The following RAB11FIP5 variants were observed in gnomAD, a reference collection of about 807,000 sequenced individuals.
The protein encoded by RAB11FIP5 is rab11 family-interacting protein 5.
In RAB11FIP5, 48 loss-of-function variants were observed where a neutral mutation model predicts 85.1. The ratio of observed to expected loss-of-function variants is 0.56; its 90% CI spans 0.45 to 0.72. The LOEUF (loss-of-function observed/expected upper bound fraction) is 0.72, where lower values mean the gene tolerates loss of function less well. Ranked by LOEUF, RAB11FIP5 falls within the 30% of genes least tolerant of loss-of-function variation. The pLI, the probability that RAB11FIP5 is intolerant of heterozygous loss-of-function variation, is 0.00. For missense variants in RAB11FIP5, 1,491 were observed against 1,687.0 expected, an observed-to-expected ratio of 0.88 and a Z score of 2.04; for synonymous variants, 729 against 727.3, an observed-to-expected ratio of 1.00 and a Z score of -0.04.
Position 73,075,883 on chromosome 2 carries a change from C to T in RAB11FIP5, c.3771+110G>A, listed in dbSNP as rs976667368. The T allele has an allele frequency of 9.5e-6, 14 of 1,468,296 alleles. No individual in the cohort carries two copies. Among genetic ancestry groups the T allele is most frequent in the Non-Finnish European group, 1.3e-5 (14 of 1,079,280 alleles). The allele number at this position is 1,468,296 out of a possible 1,614,324, so 91.0% of individuals were successfully genotyped here. A position where few individuals can be genotyped will look rare whatever the true frequency, so the allele number is the denominator to read the frequency against. On this transcript the variant is annotated intron_variant, in intron 5 of 5. Transcript: ENST00000486777. This position sits in a 1 kb window ranked among gnomAD's most constrained non-coding sequence, Gnocchi z 4.6. ...AGTCAGAGCCTAACTGGCTTCAGGA[C>T]TCTGATATGGGGGACCTGGCCTGCT... is the stretch of plus-strand genomic sequence containing the variant.
At chr2:73,101,691 C>T (rs545128407) in intron 1 of RAB11FIP5, among the ~76,000 whole-genome samples, 1 of 152,338 alleles carries the variant, frequency 6.6e-6, no homozygotes, top group Admixed American at 6.5e-5. Context: ...TCTCCTCCCT[C>T]AGCCCCTGTG....
intron 4 of RAB11FIP5, 92 bp from the exon 5 acceptor site, chr2:73,076,274 C>G: frequency 8.0e-7 from 1 of 1,257,354 alleles, no homozygotes; most frequent in Non-Finnish European, 1.1e-6. Context: ...TCCAGGTCTG[C>G]TGGACAGAAA....
rs1683986744 is a variant in RAB11FIP5, at chr2:73,081,614, G to C, written c.1618C>G (p.His540Asp). 1 of 1,223,904 alleles carries C rather than the reference G, an allele frequency of 8.2e-7. No homozygotes were observed. The highest frequency in any genetic ancestry group is 1.0e-6 in the Non-Finnish European group (1 of 980,428). The allele number at this position is 1,223,904 out of a possible 1,614,324, so 75.8% of individuals were successfully genotyped here. ...VESDPAALPH[H>D]LPCSPWAPAP... ...GGAGCCCAGGGGGAGCAGGGGAGGT[G>C]GTGAGGAAGAGCAGCTGGGTCAGAT... Residue 540 changes from histidine (H) to aspartate (D), a missense_variant, in exon 4 of 6, where the codon CAC becomes GAC. Physicochemically the swap from His to Asp is moderately conservative, Grantham distance 81 (BLOSUM62 -1). Around this residue, in one of 3 missense-constraint regions of RAB11FIP5, gnomAD observed 1,211 missense variants for 1,338.0 expected, o/e 0.91. Coordinates refer to ENST00000486777, the MANE Select transcript of RAB11FIP5 (RefSeq NM_001371272.1). This position sits in a 1 kb window ranked among gnomAD's most constrained non-coding sequence, Gnocchi z 4.2.
intron 1 of RAB11FIP5, among the ~76,000 whole-genome samples, chr2:73,108,757 C>T (rs532475901): frequency 7.9e-5 from 12 of 152,324 alleles, no homozygotes; most frequent in African/African-American, 2.2e-4. Context: ...CTAAGAAGGA[C>T]GTTGGGCCAG....
chr2:73,103,820 A>G (rs912463130), intron 1 of RAB11FIP5, among the ~76,000 whole-genome samples: 3 of 152,194 alleles, frequency 2.0e-5, no homozygotes, highest in Non-Finnish European at 4.4e-5. Context: ...GAGGAAGGAG[A>G]GAACCCGCAA....
rs1191677690 is a variant in RAB11FIP5 at position 73,112,536 on chromosome 2, GC to G, written c.241del (p.Ala81ProfsTer93). The G allele has an allele frequency of 4.6e-6, 7 of 1,532,640 alleles. No homozygotes were observed. Among genetic ancestry groups the G allele is most frequent in the African/African-American group, 1.4e-5 (1 of 69,984 alleles). The allele number at this position is 1,532,640 out of a possible 1,614,324, so 94.9% of individuals were successfully genotyped here. Reference sequence around the variant, plus strand: ...CTGCGCCCGCAGCAGGCCATCCAGGGCCCCCGGCGGCAGCTCGAAGGAGCAC... The same window carrying G: ...CTGCGCCCGCAGCAGGCCATCCAGGGCCCCGGCGGCAGCTCGAAGGAGCAC... ...EECSFELPPG[A>X]LDGLLRAQEA... On this transcript the variant is annotated frameshift_variant, in exon 1 of 6. Coordinates refer to ENST00000486777, the MANE Select transcript of RAB11FIP5 (RefSeq NM_001371272.1). LOFTEE classifies it high-confidence loss of function.
chr2:73,088,054 G>A lies in RAB11FIP5; in HGVS notation c.1564C>T (p.Pro522Ser). The A allele has an allele frequency of 6.3e-7, 1 of 1,590,484 alleles. No individual in the cohort carries two copies. Among genetic ancestry groups the A allele is most frequent in the Non-Finnish European group, 8.6e-7 (1 of 1,167,206 alleles). Residue 522 changes from proline to serine, a missense_variant, in exon 3 of 6, where the codon CCC becomes TCC. By Grantham distance (74) the Pro-to-Ser change is moderately conservative. Around this residue, in one of 3 missense-constraint regions of RAB11FIP5, gnomAD observed 1,211 missense variants for 1,338.0 expected, o/e 0.91. Transcript: ENST00000486777. Reference protein sequence around the residue: ...LREAKDPTQKPSLDVSPQVES... With the variant: ...LREAKDPTQKSSLDVSPQVES... Reference sequence around the variant, plus strand: ...TTGGTCTTGCCAACGACTTACCTGGGTTTCTGAGTCGGGTCCTTGGCTTCT... The same window carrying A: ...TTGGTCTTGCCAACGACTTACCTGGATTTCTGAGTCGGGTCCTTGGCTTCT...
chr2:73,106,646 C>T (rs1684533592), intron 1 of RAB11FIP5, among the ~76,000 whole-genome samples: 1 of 152,254 alleles, frequency 6.6e-6, no homozygotes, highest in Non-Finnish European at 1.5e-5. Context: ...CCGGGGTGCA[C>T]ACAGGGCTCC....
intron 1 of RAB11FIP5, among the ~76,000 whole-genome samples, chr2:73,098,089 T>C (rs72903431): frequency 0.06 from 9,195 of 152,238 alleles, 764 homozygotes; most frequent in African/African-American, 0.19. Context: ...TGGACTTCGG[T>C]GCCAGGCTGC....
chr2:73,079,518 C>T (rs189581538), intron 4 of RAB11FIP5, 133 bp downstream of exon 4: 1 of 1,124,612 alleles, frequency 8.9e-7, no homozygotes, highest in Non-Finnish European at 1.1e-6. Context: ...ACCGTCTTGC[C>T]TCTGGGGTAA....
intron 1 of RAB11FIP5, among the ~76,000 whole-genome samples, chr2:73,103,772 G>T (rs754951836): frequency 6.6e-6 from 1 of 152,198 alleles, no homozygotes; most frequent in East Asian, 1.9e-4. Context: ...CCATATAAGT[G>T]AGGTGGCCCA....
At position 73,075,446 on chromosome 2, in the gene RAB11FIP5, TGAGA is replaced by T. The variant is rs751093210; in HGVS notation, c.*71_*74del. The T allele has an allele frequency of 7.1e-7, 1 of 1,410,388 alleles. No homozygotes were observed. Among genetic ancestry groups the T allele is most frequent in the African/African-American group, 1.4e-5 (1 of 70,988 alleles). 87.4% of individuals were successfully genotyped at this position (1,410,388 alleles called of 1,614,324 possible). A position where few individuals can be genotyped will look rare whatever the true frequency, so the allele number is the denominator to read the frequency against. ...AAGACAGACGATGCCCCACTGCAGA[TGAGA>T]GAGTTCAGGAGGAGAGAGGGCAGGC... On this transcript the variant is annotated 3_prime_UTR_variant, in exon 6 of 6. Transcript: ENST00000486777. This position sits in a 1 kb window ranked among gnomAD's most constrained non-coding sequence, Gnocchi z 4.6.
rs139176264 is a variant in RAB11FIP5 at position 73,106,490 on chromosome 2, C to T, written c.431+5857G>A. On this transcript the variant is annotated intron_variant, in intron 1 of 5. Transcript: ENST00000486777. ...GTAGGGAGATATCCAGGCTTCCCCC[C>T]CTTTGGAATCTCTCCCCCACCAGTG... is the stretch of plus-strand genomic sequence containing the variant. Among the ~76,000 whole-genome samples, 108 of 152,338 alleles carry T rather than the reference C, an allele frequency of 7.1e-4. 1 individual carries two copies. The highest frequency in any genetic ancestry group is 2.2e-3 in the African/African-American group (91 of 41,576).
chr2:73,109,960 A>C (rs13400920), intron 1 of RAB11FIP5, among the ~76,000 whole-genome samples: 51,475 of 152,118 alleles, frequency 0.34, 10,778 homozygotes, highest in African/African-American at 0.58. Flanking sequence ...CACATCAACC[A>C]TATGAAGGTA....
chr2:73,109,158 G>A (rs1435852882), intron 1 of RAB11FIP5, among the ~76,000 whole-genome samples: 1 of 152,230 alleles, frequency 6.6e-6, no homozygotes, highest in Non-Finnish European at 1.5e-5. Context: ...GTTCTACTGA[G>A]GGTGGGGAGA....
chr2:73,107,432 G>A (rs1012108998), intron 1 of RAB11FIP5, among the ~76,000 whole-genome samples: 8 of 152,310 alleles, frequency 5.3e-5, no homozygotes, highest in Admixed American at 1.3e-4. Flanking sequence ...CAAGGTCACC[G>A]GGATGTGGCT....
rs369515032 is a variant in RAB11FIP5 at position 73,112,641 on chromosome 2, G to A, written c.137C>T (p.Thr46Met). Residue 46 changes from threonine (T) to methionine (M), a missense_variant, in exon 1 of 6, where the codon ACG becomes ATG. Transcript: ENST00000486777. ...SGAGSTSDAY[T>M]VIQVGREKYS... is the part of the protein sequence containing the mutation. ...CTTCTCGCGGCCCACCTGGATCACCGTGTACGCGTCGCTGGTGCTGCCCGC... is the reference window on the plus strand; with the variant it reads ...CTTCTCGCGGCCCACCTGGATCACCATGTACGCGTCGCTGGTGCTGCCCGC... 5.0e-6 allele frequency: 8 copies of A among 1,600,526 alleles called. No individual in the cohort carries two copies. In the African/African-American group the frequency reaches 9.5e-5, roughly 19 times the overall value.
intron 3 of RAB11FIP5, among the ~76,000 whole-genome samples, chr2:73,083,809 C>T (rs1684044634): frequency 6.6e-6 from 1 of 152,216 alleles, no homozygotes; most frequent in South Asian, 2.1e-4. Context: ...CCCAGCCCAA[C>T]CCTGTCTACA....
At position 73,075,260 on chromosome 2, in the gene RAB11FIP5, CAAAG is replaced by C; in HGVS notation, c.*257_*260del. On this transcript the variant is annotated 3_prime_UTR_variant, in exon 6 of 6. Coordinates refer to ENST00000486777, the MANE Select transcript of RAB11FIP5 (RefSeq NM_001371272.1). The surrounding 1 kb of genome is among the most constrained non-coding windows in gnomAD (Gnocchi z 4.6). ...AAGAGTTCCAATTCCCTGGGGCCCC[CAAAG>C]CTGAGGGATATGAAAACAGGCAGGT... 7.2e-6 allele frequency: 5 copies of C among 693,778 alleles called. No individual in the cohort carries two copies. In the South Asian group the frequency reaches 7.5e-5, roughly 10 times the overall value. 43.0% of individuals were successfully genotyped at this position (693,778 alleles called of 1,614,324 possible).
Sources: allele counts gnomAD v4.1 joint callset (sites outside exome capture counted in the v4.1 genomes callset), GRCh38; gene constraint gnomAD v4.1.1; regional missense constraint gnomAD v4.1.1; non-coding constraint Gnocchi (gnomAD v3.1); transcripts MANE v1.5; gene names NCBI Gene and HGNC (gene_info 2026-07-23, HGNC 2026-07-21).